The following KCNG3 variants were observed in gnomAD, a reference collection of about 807,000 sequenced individuals.
KCNG3 encodes voltage-gated potassium channel regulatory subunit KCNG3.
A neutral mutation model predicts 29.0 loss-of-function variants in KCNG3; 15 were observed. The observed-to-expected ratio is 0.52, with a 90% CI of 0.35 to 0.80. The LOEUF is 0.80. Ranked by LOEUF, KCNG3 falls within the 30% of genes least tolerant of loss-of-function variation. The pLI is 0.01. For missense variants in KCNG3, 512 were observed against 605.7 expected, an observed-to-expected ratio of 0.85 and a Z score of 1.62; for synonymous variants, 322 against 248.9, an observed-to-expected ratio of 1.29 and a Z score of -2.76.
intron 1 of KCNG3, among the ~76,000 whole-genome samples, chr2:42,472,568 C>T (rs746799829): frequency 4.6e-5 from 7 of 151,380 alleles, no homozygotes; most frequent in Middle Eastern, 6.8e-3. Context: ...GGCACGATCT[C>T]GGCTCACTGC....
At chr2:42,458,290 C>G (rs1672928688) in intron 1 of KCNG3, among the ~76,000 whole-genome samples, 1 of 152,170 alleles carries the variant, frequency 6.6e-6, no homozygotes, top group South Asian at 2.1e-4. Context: ...GCAATCACCT[C>G]CACCTTTGCT....
chr2:42,470,459 C>G (rs1558383559), intron 1 of KCNG3, among the ~76,000 whole-genome samples: 1 of 152,146 alleles, frequency 6.6e-6, no homozygotes, highest in Non-Finnish European at 1.5e-5. Context: ...TGCAGGAGTT[C>G]AAGACCAGCC....
intron 1 of KCNG3, among the ~76,000 whole-genome samples, chr2:42,489,486 G>A (rs548614198): frequency 2.6e-5 from 4 of 152,288 alleles, no homozygotes; most frequent in African/African-American, 9.6e-5. Flanking sequence ...ATCCAACTTA[G>A]GAGCCAGGAT....
At chr2:42,445,152 T>C (rs949044292) in intron 1 of KCNG3, among the ~76,000 whole-genome samples, 4 of 152,150 alleles carry the variant, frequency 2.6e-5, no homozygotes, top group African/African-American at 9.7e-5. Context: ...TGTTTTTTAC[T>C]TGTCACTAAT....
chr2:42,467,918 C>T (rs1572853797), intron 1 of KCNG3, among the ~76,000 whole-genome samples: 1 of 151,086 alleles, frequency 6.6e-6, no homozygotes, highest in East Asian at 1.9e-4. Context: ...CTGCAGTGAG[C>T]CATTATCATG....
chr2:42,427,828 G>A, the KCNG3 span, among the ~76,000 whole-genome samples: 11 of 152,042 alleles, frequency 7.2e-5, no homozygotes, highest in South Asian at 1.7e-3. Context: ...AGTTAAAAAC[G>A]GCCTAAAAGT....
At chr2:42,461,193 A>AAC (rs1558379723) in intron 1 of KCNG3, among the ~76,000 whole-genome samples, 41 of 150,640 alleles carry the variant, frequency 2.7e-4, no homozygotes, top group African/African-American at 8.6e-4. Flanking sequence ...AAAAAAAAAA[A>AAC]AAAAAAAAAA....
chr2:42,399,414 G>A, the KCNG3 span, among the ~76,000 whole-genome samples: 1 of 152,082 alleles, frequency 6.6e-6, no homozygotes, highest in Admixed American at 6.6e-5. Flanking sequence ...ATTCCTCTGA[G>A]TAACGTGATG....
At chr2:42,432,742 T>C in the KCNG3 span, among the ~76,000 whole-genome samples, 6 of 152,224 alleles carry the variant, frequency 3.9e-5, no homozygotes, top group Middle Eastern at 3.4e-3. Context: ...TTAGAAACCA[T>C]TAAATATATA....
At chr2:42,472,815 T>C (rs960747658) in intron 1 of KCNG3, among the ~76,000 whole-genome samples, 5 of 148,900 alleles carry the variant, frequency 3.4e-5, no homozygotes, top group African/African-American at 9.8e-5. Flanking sequence ...CATATATCGA[T>C]ATATCTAGAT....
downstream of KCNG3, among the ~76,000 whole-genome samples, chr2:42,438,214 GA>G (rs1019196990): frequency 3.9e-5 from 6 of 152,088 alleles, no homozygotes; most frequent in Non-Finnish European, 7.3e-5. Context: ...AGGAGTTTGA[GA>G]CCAGCCTGTG....
At chr2:42,472,526 G>T (rs1227360437) in intron 1 of KCNG3, among the ~76,000 whole-genome samples, 1 of 151,406 alleles carries the variant, frequency 6.6e-6, no homozygotes. Context: ...TTGAGACAAG[G>T]ACTCACGCTG....
chr2:42,446,724 C>T (rs1309059714), intron 1 of KCNG3, among the ~76,000 whole-genome samples: 31 of 152,048 alleles, frequency 2.0e-4, no homozygotes. Context: ...TACAATTAAC[C>T]ATGTTTCCCT....
At chr2:42,461,880 T>A (rs1479858808) in intron 1 of KCNG3, among the ~76,000 whole-genome samples, 2 of 152,224 alleles carry the variant, frequency 1.3e-5, no homozygotes, top group Non-Finnish European at 2.9e-5. Context: ...ACAATTCTTT[T>A]CTTTAATAGT....
intron 1 of KCNG3, among the ~76,000 whole-genome samples, chr2:42,478,000 A>G (rs1673482478): frequency 6.6e-6 from 1 of 152,004 alleles, no homozygotes; most frequent in Non-Finnish European, 1.5e-5. Context: ...TTTCGTTTGT[A>G]AAGTGGGAGT....
chr2:42,441,298 G>A (rs1271361635), downstream of KCNG3, among the ~76,000 whole-genome samples: 13 of 152,062 alleles, frequency 8.5e-5, no homozygotes, highest in Admixed American at 7.9e-4. Context: ...TGGGGTGGGA[G>A]GACTGCTTGA....
At chr2:42,470,471 G>A (rs1026465077) in intron 1 of KCNG3, among the ~76,000 whole-genome samples, 1 of 152,134 alleles carries the variant, frequency 6.6e-6, no homozygotes, top group African/African-American at 2.4e-5. Context: ...AGACCAGCCT[G>A]TGCAACATAG....
the KCNG3 span, among the ~76,000 whole-genome samples, chr2:42,410,259 A>G: frequency 6.6e-6 from 1 of 152,178 alleles, no homozygotes; most frequent in Non-Finnish European, 1.5e-5. Flanking sequence ...ACAATGCACA[A>G]TGAATAACCT....
the KCNG3 span, among the ~76,000 whole-genome samples, chr2:42,401,424 T>C: frequency 6.7e-6 from 1 of 150,374 alleles, no homozygotes; most frequent in African/African-American, 2.4e-5. Context: ...GAGAAAAATA[T>C]ATTTATATAA....
Sources: gnomAD v4.1 joint callset for allele counts (sites outside exome capture counted in the v4.1 genomes callset) on GRCh38, gnomAD v4.1.1 for gene constraint, MANE v1.5 for transcripts, NCBI Gene and HGNC (gene_info 2026-07-23, HGNC 2026-07-21) for gene names.